The following SOX6 variants were observed in gnomAD, a reference collection of about 807,000 sequenced individuals.
SOX6 encodes the protein SRY-box transcription factor 6.
A neutral mutation model predicts 97.8 loss-of-function variants in SOX6; 11 were observed. The observed-to-expected ratio is 0.11, with a 90% confidence interval of 0.07 to 0.19. SOX6 has a LOEUF of 0.19. Ranked by LOEUF, SOX6 falls within the 10% of genes least tolerant of loss-of-function variation. The probability of loss-of-function intolerance (pLI) is 1.00; values close to 1 mark genes in which losing one functional copy is unlikely to be tolerated. For synonymous variants in SOX6, 360 were observed against 371.4 expected, an observed-to-expected ratio of 0.97 and a Z score of 0.35; for missense variants, 810 against 1,039.5, an observed-to-expected ratio of 0.78 and a Z score of 3.04.
At chr11:16,070,401 T>C (rs1354390789) in intron 9 of SOX6, among the ~76,000 whole-genome samples, 1 of 152,004 alleles carries the variant, frequency 6.6e-6, no homozygotes, top group Non-Finnish European at 1.5e-5. Flanking sequence ...ATCCATCAGA[T>C]AACAAATCAC....
At chr11:16,006,701 T>C (rs181588250) in intron 13 of SOX6, among the ~76,000 whole-genome samples, 2 of 152,200 alleles carry the variant, frequency 1.3e-5, no homozygotes, top group East Asian at 3.9e-4. Context: ...TTTAACGATG[T>C]ACTTGAACAT....
At chr11:16,347,172 G>A (rs1160649497) in intron 1 of SOX6, among the ~76,000 whole-genome samples, 11 of 152,068 alleles carry the variant, frequency 7.2e-5, no homozygotes, top group Admixed American at 7.2e-4. Context: ...CCAGCCTAAT[G>A]ACTGGCCTGC....
chr11:16,404,115 G>A (rs151081175), intron 1 of SOX6, among the ~76,000 whole-genome samples: 1 of 151,966 alleles, frequency 6.6e-6, no homozygotes. Context: ...TTTTAGTGTT[G>A]AATTGTGGGG....
Position 16,373,889 on chromosome 11 carries a change from G to GAGGGAGGA in SOX6, c.-4-32638_-4-32637insTCCTCCCT, listed in dbSNP as rs1554962624. ...GAAGGAAGGAAGGAAGGAAGGAAGG[G>GAGGGAGGA]AGGGAGGGAGGAAGGGAGGGAGAAG... is the stretch of plus-strand genomic sequence containing the variant. On this transcript the variant is annotated intron_variant, in intron 1 of 15. Transcript: ENST00000396356. Among the ~76,000 whole-genome samples the GAGGGAGGA allele has an allele frequency of 7.9e-3, 112 of 14,260 alleles. 3 individuals carry two copies. Among genetic ancestry groups the GAGGGAGGA allele is most frequent in the African/African-American group, 0.017 (77 of 4,520 alleles). The allele number at this position is 14,260 out of a possible 152,430, so 9.4% of individuals were successfully genotyped here. A position where few individuals can be genotyped will look rare whatever the true frequency, so the allele number is the denominator to read the frequency against.
Position 16,184,749 on chromosome 11 carries a change from T to C in SOX6, c.709-795A>G, listed in dbSNP as rs549080761. Among the ~76,000 whole-genome samples the C allele has an allele frequency of 2.6e-5, 4 of 152,210 alleles. No homozygotes were observed. In the South Asian group the frequency reaches 8.3e-4, roughly 32 times the overall value. On this transcript the variant is annotated intron_variant, in intron 5 of 15. Coordinates refer to ENST00000683767, the MANE Select transcript of SOX6 (RefSeq NM_001367873.1). ...AGGTCAAATAGCTTCCTTAGGATAATAGTGTTTACTATGAAGTATGAGTCA... is the reference window on the plus strand; with the variant it reads ...AGGTCAAATAGCTTCCTTAGGATAACAGTGTTTACTATGAAGTATGAGTCA...
chr11:16,648,025 G>A (rs1178507125), intron 3 of SOX6, among the ~76,000 whole-genome samples: 2 of 152,140 alleles, frequency 1.3e-5, no homozygotes. Context: ...CAGAGTCTGA[G>A]GGACGAGTGG....
At chr11:16,663,374 A>T (rs1200662327) in intron 3 of SOX6, among the ~76,000 whole-genome samples, 2 of 151,988 alleles carry the variant, frequency 1.3e-5, no homozygotes, top group Non-Finnish European at 2.9e-5. Flanking sequence ...ACCAACCTGG[A>T]GTGCAATGGT....
chr11:16,144,074 A>T (rs1850223717), intron 6 of SOX6, among the ~76,000 whole-genome samples: 1 of 152,184 alleles, frequency 6.6e-6, no homozygotes, highest in Admixed American at 6.5e-5. Flanking sequence ...CACCACACTT[A>T]TTCCACAATT....
chr11:16,078,742 G>C (rs1848410713), intron 9 of SOX6, among the ~76,000 whole-genome samples: 1 of 152,094 alleles, frequency 6.6e-6, no homozygotes, highest in Non-Finnish European at 1.5e-5. Flanking sequence ...GAGGCTTTCA[G>C]AGAGGTCAAG....
At chr11:16,083,310 G>A (rs534260849) in intron 9 of SOX6, among the ~76,000 whole-genome samples, 2 of 152,166 alleles carry the variant, frequency 1.3e-5, no homozygotes, top group South Asian at 2.1e-4. Flanking sequence ...ATAAACATTT[G>A]AGGAATCAAT....
In SOX6 at chr11:16,049,822, G is replaced by A. The variant is rs750306998; in HGVS notation, c.1368C>T (p.Val456=). 12 of 1,613,652 alleles carry A rather than the reference G, an allele frequency of 7.4e-6. 1 individual carries two copies. The South Asian group carries it at 1.2e-4, about 16-fold the overall frequency. Residue 456 remains valine (V), a synonymous_variant, in exon 11 of 16, where the codon GTC becomes GTT. Coordinates refer to ENST00000683767, the MANE Select transcript of SOX6 (RefSeq NM_001367873.1). The part of the protein sequence containing the change: ...NLFPASKTSP[V]NLPNKSSIPS... ...GGATGCTGCTTTTGTTTGGCAGATTGACAGGGCTGGTTTTGCTGGCTGGGA... is the reference window on the plus strand; with the variant it reads ...GGATGCTGCTTTTGTTTGGCAGATTAACAGGGCTGGTTTTGCTGGCTGGGA...
intron 3 of SOX6, among the ~76,000 whole-genome samples, chr11:16,618,806 A>G (rs1320967721): frequency 1.9e-4 from 29 of 152,028 alleles, no homozygotes; most frequent in Admixed American, 1.9e-3. Context: ...GAAGACTGCC[A>G]TCATAAAGTC....
At chr11:16,484,570 C>A in intron 4 of SOX6, 1 of 754,736 alleles carries the variant, frequency 1.3e-6, no homozygotes, top group Admixed American at 1.8e-5. Context: ...CATCAATGGC[C>A]ACCTTCACAG....
At chr11:16,331,045 A>G (rs1856275647) in intron 2 of SOX6, among the ~76,000 whole-genome samples, 1 of 152,188 alleles carries the variant, frequency 6.6e-6, no homozygotes, top group African/African-American at 2.4e-5. Context: ...GCACATTTCT[A>G]TGCCTGGAGA....
chr11:16,334,878 T>C (rs911315582), intron 2 of SOX6, among the ~76,000 whole-genome samples: 1 of 152,128 alleles, frequency 6.6e-6, no homozygotes, highest in Non-Finnish European at 1.5e-5. Flanking sequence ...CTTCCAAGTA[T>C]CATACCAGTA....
At chr11:16,451,913 A>G (rs572772217) in intron 1 of SOX6, among the ~76,000 whole-genome samples, 1 of 151,962 alleles carries the variant, frequency 6.6e-6, no homozygotes, top group Non-Finnish European at 1.5e-5. Context: ...ATGCACCTGG[A>G]GTCTCAGCTA....
chr11:16,338,075 A>C, intron 2 of SOX6, among the ~76,000 whole-genome samples: 1 of 152,104 alleles, frequency 6.6e-6, no homozygotes, highest in Non-Finnish European at 1.5e-5. Context: ...TGTTTCTAAC[A>C]GTTCATGAAT....
intron 12 of SOX6, among the ~76,000 whole-genome samples, chr11:16,037,848 T>C (rs1855558233): frequency 1.3e-5 from 2 of 152,168 alleles, no homozygotes. Flanking sequence ...GGCTGGCAAT[T>C]ATCTACAAGG....
At chr11:16,669,511 C>T (rs1363474254) in intron 3 of SOX6, among the ~76,000 whole-genome samples, 2 of 152,190 alleles carry the variant, frequency 1.3e-5, no homozygotes, top group Admixed American at 6.5e-5. Flanking sequence ...GTTCCCATAT[C>T]TCCTCACTGG....
Sources: allele counts gnomAD v4.1 joint callset (sites outside exome capture counted in the v4.1 genomes callset), GRCh38; gene constraint gnomAD v4.1.1; transcripts MANE v1.5; gene names NCBI Gene and HGNC (gene_info 2026-07-23, HGNC 2026-07-21).